DHX32: variants seen among roughly 807,000 people sequenced by gnomAD.
The protein encoded by DHX32 is DEAH-box helicase 32 (putative).
In DHX32, 51 loss-of-function variants were observed where a neutral mutation model predicts 70.0. The ratio of observed to expected loss-of-function variants is 0.73; its 90% CI spans 0.58 to 0.92. The LOEUF is 0.92. Ranked by LOEUF, DHX32 falls within the 40% of genes least tolerant of loss-of-function variation. The probability of loss-of-function intolerance (pLI) is 0.00; values close to 1 mark genes in which losing one functional copy is unlikely to be tolerated. For synonymous variants in DHX32, 310 were observed against 315.3 expected (o/e 0.98, Z 0.18); for missense variants, 762 against 891.8 (o/e 0.85, Z 1.85).
chr10:125,860,752 A>ATT (rs397747204), intron 2 of DHX32, among the ~76,000 whole-genome samples: 45,816 of 111,668 alleles, frequency 0.41, 11,296 homozygotes, highest in Non-Finnish European at 0.48. Context: ...AACCAATCCC[A>ATT]TTTTTTTTTT....
chr10:125,890,031 T>A (rs537569537), intron 1 of DHX32, among the ~76,000 whole-genome samples: 8 of 152,412 alleles, frequency 5.2e-5, no homozygotes, highest in African/African-American at 1.7e-4. Context: ...CATATATCCA[T>A]ACTGCTTCCT....
Position 125,861,413 on chromosome 10 carries a change from C to G in DHX32, c.477-1438G>C, listed in dbSNP as rs988190598. On this transcript the variant is annotated intron_variant, in intron 2 of 10. Transcript: ENST00000284690. ...CCGGGAGGCTGAGGCAGGAGAATGG[C>G]GTGAACTGGAGAGGCGGAGCTTGCA... is the stretch of plus-strand genomic sequence containing the variant. Among the ~76,000 whole-genome samples the G allele has an allele frequency of 3.4e-4, 52 of 152,068 alleles. 1 individual carries two copies. The highest frequency in any genetic ancestry group is 1.3e-3 in the African/African-American group (52 of 41,422).
intron 1 of DHX32, among the ~76,000 whole-genome samples, chr10:125,894,027 TTTAG>T (rs1944386859): frequency 6.6e-6 from 1 of 152,302 alleles, no homozygotes; most frequent in African/African-American, 2.4e-5. Flanking sequence ...GTTTGCTACA[TTTAG>T]TTAAACATCA....
intron 10 of DHX32, among the ~76,000 whole-genome samples, chr10:125,837,120 T>A (rs964062121): frequency 6.6e-6 from 1 of 152,256 alleles, no homozygotes; most frequent in African/African-American, 2.4e-5. Flanking sequence ...TAACCTTTAG[T>A]GGAAACTAGT....
chr10:125,841,957 A>C (rs1414859204), intron 6 of DHX32, 23 bp from the exon 7 acceptor site: 1 of 1,564,528 alleles, frequency 6.4e-7, no homozygotes, highest in Non-Finnish European at 8.6e-7. Context: ...AAAAATAATA[A>C]TTTAAGAGTC....
intron 1 of DHX32, among the ~76,000 whole-genome samples, chr10:125,879,974 T>G (rs1285202739): frequency 1.3e-5 from 2 of 152,212 alleles, no homozygotes; most frequent in Non-Finnish European, 2.9e-5. Context: ...ATCCCTAGGT[T>G]TATCTCTTAA....
Position 125,880,721 on chromosome 10 carries a change from C to T in DHX32, c.104G>A (p.Cys35Tyr). The T allele has an allele frequency of 6.2e-6, 10 of 1,614,212 alleles. No individual in the cohort carries two copies. Among genetic ancestry groups the T allele is most frequent in the Non-Finnish European group, 8.5e-6 (10 of 1,180,032 alleles). ...AAAGGGGTTAAGTTCCAAATCCTCA[C>T]AGGCCAAAACCTCTTCCTCATCCCC... ...SDGDEEEVLA[C>Y]EDLELNPFDG... is the part of the protein sequence containing the mutation. The change falls in exon 1 of 11, where the codon TGT (cysteine) becomes TAT (tyrosine). Residue 35 changes from cysteine to tyrosine, a missense_variant. Around this residue, in one of 3 missense-constraint regions of DHX32, gnomAD observed 394 missense variants for 473.1 expected, o/e 0.83. Transcript: ENST00000284690.
chr10:125,853,153 G>T, intron 4 of DHX32: 1 of 1,610,638 alleles, frequency 6.2e-7, no homozygotes, highest in Non-Finnish European at 8.5e-7. Flanking sequence ...TGACAGCCCT[G>T]GTTTCTCTGA....
At chr10:125,854,647 G>C (rs1481533238) in intron 3 of DHX32, 1 of 154,496 alleles carries the variant, frequency 6.5e-6, no homozygotes, top group East Asian at 1.9e-4. Flanking sequence ...TAGGTGAGCT[G>C]TGCTCGTTTC....
At chr10:125,896,387 G>A (rs1203208223) in exon 1 of DHX32, 1 of 550,802 alleles carries the variant, frequency 1.8e-6, no homozygotes. Context: ...GGGAGGGCGC[G>A]ACCGCCTGAC....
intron 1 of DHX32, among the ~76,000 whole-genome samples, chr10:125,875,800 C>A (rs1346202056): frequency 6.6e-6 from 1 of 152,180 alleles, no homozygotes; most frequent in South Asian, 2.1e-4. Context: ...CTTAGCCATT[C>A]CTGCAGTGGG....
intron 1 of DHX32, among the ~76,000 whole-genome samples, chr10:125,876,088 G>A (rs899773728): frequency 6.6e-5 from 10 of 152,120 alleles, no homozygotes; most frequent in African/African-American, 2.4e-4. Flanking sequence ...CCCTATAACT[G>A]GATAGACCAG....
upstream of DHX32, among the ~76,000 whole-genome samples, chr10:125,884,251 C>G (rs71490742): frequency 4.1e-4 from 63 of 152,262 alleles, no homozygotes; most frequent in Non-Finnish European, 7.2e-4. Flanking sequence ...TGGTGTAAGC[C>G]ATGTAAATGT....
At chr10:125,854,905 C>T (rs913668717) in intron 3 of DHX32, 7 of 152,134 alleles carry the variant, frequency 4.6e-5, no homozygotes, top group South Asian at 4.1e-4. Flanking sequence ...TCATTTTACT[C>T]CACATATTAA....
At chr10:125,892,111 A>T (rs76062620) in intron 1 of DHX32, among the ~76,000 whole-genome samples, 2,312 of 114,366 alleles carry the variant, frequency 0.02, 25 homozygotes, top group African/African-American at 0.064. Flanking sequence ...TCCTCAAAAA[A>T]TTTTTTTCTT....
In DHX32 at chr10:125,861,926, G is replaced by GGAA. The variant is rs572026488; in HGVS notation, c.477-1954_477-1952dup. On this transcript the variant is annotated intron_variant, in intron 2 of 10. Coordinates refer to ENST00000284690, the MANE Select transcript of DHX32 (RefSeq NM_018180.3). ...ACAGTCCTCAATTAACCTCTTTCAA[G>GGAA]GAAAAAAAAAAAAAGGAAGTAAACA... is the stretch of plus-strand genomic sequence containing the variant. Among the ~76,000 whole-genome samples, 464 of 147,536 alleles carry GGAA rather than the reference G, an allele frequency of 3.1e-3. 4 individuals carry two copies. Among genetic ancestry groups the GGAA allele is most frequent in the African/African-American group, 0.011 (430 of 40,078 alleles).
intron 2 of DHX32, among the ~76,000 whole-genome samples, chr10:125,860,752 A>ATTTTTTTT (rs397747204): frequency 2.7e-5 from 3 of 111,822 alleles, no homozygotes; most frequent in African/African-American, 3.5e-5. Flanking sequence ...AACCAATCCC[A>ATTTTTTTT]TTTTTTTTTT....
At chr10:125,848,028 A>AT (rs1300593331) in intron 6 of DHX32, among the ~76,000 whole-genome samples, 3 of 152,198 alleles carry the variant, frequency 2.0e-5, no homozygotes, top group Admixed American at 6.5e-5. Flanking sequence ...GCATTAATGT[A>AT]TATACACATT....
chr10:125,891,842 C>T (rs1944373006), intron 1 of DHX32, among the ~76,000 whole-genome samples: 2 of 152,170 alleles, frequency 1.3e-5, no homozygotes, highest in Admixed American at 1.3e-4. Flanking sequence ...ACGGGTTCTT[C>T]CACAATCAGC....
Sources: gnomAD v4.1 joint callset for allele counts (sites outside exome capture counted in the v4.1 genomes callset) on GRCh38, gnomAD v4.1.1 for gene constraint, gnomAD v4.1.1 regional missense constraint, MANE v1.5 for transcripts, NCBI Gene and HGNC (gene_info 2026-07-23, HGNC 2026-07-21) for gene names.